Variants in ENTPD1 observed in about 807,000 individuals in gnomAD.
ENTPD1 encodes ectonucleoside triphosphate diphosphohydrolase 1.
Under a neutral mutation model 57.0 loss-of-function variants are expected in ENTPD1, and 33 were observed. The observed-to-expected ratio is 0.58, with a 90% CI of 0.44 to 0.77. The LOEUF (loss-of-function observed/expected upper bound fraction) is 0.77, where lower values mean the gene tolerates loss of function less well. Ranked by LOEUF, ENTPD1 falls within the 30% of genes least tolerant of loss-of-function variation. The pLI, the probability that ENTPD1 is intolerant of heterozygous loss-of-function variation, is 0.00. For synonymous variants in ENTPD1, 202 were observed against 218.8 expected (o/e 0.92, Z 0.68); for missense variants, 501 against 603.4 (o/e 0.83, Z 1.78).
chr10:95,779,808 C>T lies in ENTPD1; in HGVS notation c.16+23553C>T, dbSNP rs56853511. On this transcript the variant is annotated intron_variant, in intron 1 of 9. Coordinates refer to ENST00000371205, the MANE Select transcript of ENTPD1 (RefSeq NM_001776.6). Reference sequence around the variant, plus strand: ...TTTAAATTGCACAAACAAACACTATCGTGCATATTTGAGAAGTAAAATACA... The same window carrying T: ...TTTAAATTGCACAAACAAACACTATTGTGCATATTTGAGAAGTAAAATACA... Among the ~76,000 whole-genome samples, 189 of 152,202 alleles carry T rather than the reference C, an allele frequency of 1.2e-3. 4 individuals are homozygous for T. The East Asian group carries it at 0.034, about 27-fold the overall frequency.
intron 1 of ENTPD1, among the ~76,000 whole-genome samples, chr10:95,793,340 T>A (rs2098213297): frequency 6.6e-6 from 1 of 152,126 alleles, no homozygotes; most frequent in South Asian, 2.1e-4. Context: ...GAGTTGTTTA[T>A]AAAAAATAAT....
At chr10:95,703,646 G>A in the ENTPD1 span, among the ~76,000 whole-genome samples, 1 of 152,090 alleles carries the variant, frequency 6.6e-6, no homozygotes, top group Non-Finnish European at 1.5e-5. Flanking sequence ...GCCAGGCGTG[G>A]TGGCAGGCGC....
intron 1 of ENTPD1, among the ~76,000 whole-genome samples, chr10:95,726,758 G>C (rs1259604220): frequency 6.6e-6 from 1 of 152,000 alleles, no homozygotes; most frequent in East Asian, 1.9e-4. Context: ...GTGCATTTTG[G>C]GGGGTTTATC....
In ENTPD1 at chr10:95,870,370, G is replaced by A. The variant is rs1041045030; in HGVS notation, c.*3987G>A. 3.1e-5 allele frequency: 27 copies of A among 875,140 alleles called. No homozygotes were observed. Among genetic ancestry groups the A allele is most frequent in the Admixed American group, 1.2e-4 (2 of 16,100 alleles). 54.2% of individuals were successfully genotyped at this position (875,140 alleles called of 1,614,324 possible). A position where few individuals can be genotyped will look rare whatever the true frequency, so the allele number is the denominator to read the frequency against. On this transcript the variant is annotated 3_prime_UTR_variant, in exon 10 of 10. Coordinates refer to ENST00000371205, the MANE Select transcript of ENTPD1 (RefSeq NM_001776.6). ...CATGATCATGGCTCACTGCAGCCTC[G>A]ACCTCCCAAGCTCAAGCAAGGCTAC...
At chr10:95,852,954 C>A (rs2098448069) in intron 7 of ENTPD1, among the ~76,000 whole-genome samples, 1 of 151,986 alleles carries the variant, frequency 6.6e-6, no homozygotes, top group South Asian at 2.1e-4. Flanking sequence ...GTATTTTTTT[C>A]CAATTCTGTG....
In ENTPD1 at chr10:95,845,346, C is replaced by G; in HGVS notation, c.574-11C>G. ...GAGACTTCTAGCACTGGTAACTGTA[C>G]TGTCTTTCAGAAAACAAGGTGGTTC... On this transcript the variant is annotated splice_polypyrimidine_tract_variant and intron_variant, in intron 5 of 9. Coordinates refer to ENST00000371205, the MANE Select transcript of ENTPD1 (RefSeq NM_001776.6). 1 of 1,614,142 alleles carries G rather than the reference C, an allele frequency of 6.2e-7. No homozygotes were observed. Among genetic ancestry groups the G allele is most frequent in the East Asian group, 2.2e-5 (1 of 44,892 alleles).
At chr10:95,751,462 G>A (rs556441245), upstream of ENTPD1, among the ~76,000 whole-genome samples, 1 of 152,304 alleles carries the variant, frequency 6.6e-6, no homozygotes. Flanking sequence ...GCTCACGCCT[G>A]TAATCCCAGG....
intron 1 of ENTPD1, among the ~76,000 whole-genome samples, chr10:95,812,140 T>C (rs1351653481): frequency 7.0e-6 from 1 of 143,756 alleles, no homozygotes; most frequent in Non-Finnish European, 1.6e-5. Context: ...TGTAAAGTTC[T>C]ATGAATTTTG....
At chr10:95,713,144 A>G (rs1163542661) in intron 1 of ENTPD1, among the ~76,000 whole-genome samples, 1 of 152,164 alleles carries the variant, frequency 6.6e-6, no homozygotes, top group African/African-American at 2.4e-5. Flanking sequence ...ATATGCTCTC[A>G]AGGAACACCT....
At position 95,875,902 on chromosome 10, in the gene ENTPD1, T is replaced by C; in HGVS notation, c.*9519T>C. On this transcript the variant is annotated 3_prime_UTR_variant, in exon 10 of 10. Transcript: ENST00000371205. ...GATTCAATTACCTCCCCCTGGGTCCTGTGGGAATTCTGGAAGGTACAATTC... is the reference window on the plus strand; with the variant it reads ...GATTCAATTACCTCCCCCTGGGTCCCGTGGGAATTCTGGAAGGTACAATTC... The C allele has an allele frequency of 1.1e-6, 1 of 884,448 alleles. No homozygotes were observed. The highest frequency in any genetic ancestry group is 1.4e-6 in the Non-Finnish European group (1 of 737,834). 54.8% of individuals were successfully genotyped at this position (884,448 alleles called of 1,614,324 possible).
At chr10:95,806,320 G>T (rs1392433635) in intron 1 of ENTPD1, among the ~76,000 whole-genome samples, 2 of 152,130 alleles carry the variant, frequency 1.3e-5, no homozygotes, top group Non-Finnish European at 2.9e-5. Context: ...CATAGTTCTT[G>T]TGCCATGGTT....
At chr10:95,827,389 A>C (rs984120881) in intron 2 of ENTPD1, among the ~76,000 whole-genome samples, 1 of 151,982 alleles carries the variant, frequency 6.6e-6, no homozygotes, top group Admixed American at 6.5e-5. Context: ...TGGGAGGTGA[A>C]GGTTGCAGTG....
chr10:95,700,307 A>T, the ENTPD1 span, among the ~76,000 whole-genome samples: 2 of 152,210 alleles, frequency 1.3e-5, no homozygotes, highest in African/African-American at 4.8e-5. Context: ...TGAGACACTG[A>T]GGATTAAATC....
At chr10:95,700,516 G>T in the ENTPD1 span, among the ~76,000 whole-genome samples, 1 of 152,004 alleles carries the variant, frequency 6.6e-6, no homozygotes, top group South Asian at 2.1e-4. Flanking sequence ...GTGAGACTCC[G>T]TTCCTACAAG....
chr10:95,743,977 A>C (rs1483507468), intron 1 of ENTPD1, among the ~76,000 whole-genome samples: 2 of 126,422 alleles, frequency 1.6e-5, no homozygotes, highest in Non-Finnish European at 3.4e-5. Context: ...AGAGCAAGAA[A>C]ATATAGATGT....
At chr10:95,775,816 G>A (rs1483735179) in intron 1 of ENTPD1, among the ~76,000 whole-genome samples, 2 of 152,034 alleles carry the variant, frequency 1.3e-5, no homozygotes, top group Admixed American at 1.3e-4. Context: ...TATGAATCTG[G>A]GTGCTCCTGT....
chr10:95,869,868 C>A lies in ENTPD1; in HGVS notation c.*3485C>A. 1.3e-6 allele frequency: 1 copy of A among 781,554 alleles called. No homozygotes were observed. Among genetic ancestry groups the A allele is most frequent in the Non-Finnish European group, 1.6e-6 (1 of 644,140 alleles). 48.4% of individuals were successfully genotyped at this position (781,554 alleles called of 1,614,324 possible). Reference sequence around the variant, plus strand: ...ACTAAATTTTCAAAATATTTTGTGTCTATTACATTTACAGCACATCTTAAT... The same window carrying A: ...ACTAAATTTTCAAAATATTTTGTGTATATTACATTTACAGCACATCTTAAT... On this transcript the variant is annotated 3_prime_UTR_variant, in exon 10 of 10. Coordinates refer to ENST00000371205, the MANE Select transcript of ENTPD1 (RefSeq NM_001776.6).
In ENTPD1 at chr10:95,872,148, C is replaced by G. The variant is rs112273762; in HGVS notation, c.*5765C>G. ...AGTAAAGAGCTGTAATATATTTTAC[C>G]TGGACTGATACCAGGAATGGTGGTG... On this transcript the variant is annotated 3_prime_UTR_variant, in exon 10 of 10. Coordinates refer to ENST00000371205, the MANE Select transcript of ENTPD1 (RefSeq NM_001776.6). 1.9e-5 allele frequency: 19 copies of G among 985,396 alleles called. No homozygotes were observed. The African/African-American group carries it at 2.1e-4, about 11-fold the overall frequency. 61.0% of individuals were successfully genotyped at this position (985,396 alleles called of 1,614,324 possible).
At chr10:95,749,651 T>G (rs1218876455) in intron 1 of ENTPD1, among the ~76,000 whole-genome samples, 5 of 152,146 alleles carry the variant, frequency 3.3e-5, no homozygotes, top group Non-Finnish European at 7.4e-5. Flanking sequence ...ATGTGGATAT[T>G]CGGGAGGACA....
Sources: allele counts gnomAD v4.1 joint callset (sites outside exome capture counted in the v4.1 genomes callset), GRCh38; gene constraint gnomAD v4.1.1; transcripts MANE v1.5; gene names NCBI Gene and HGNC (gene_info 2026-07-23, HGNC 2026-07-21).